Variants in LMO7 observed in about 807,000 individuals in gnomAD.
LMO7 encodes the protein LIM domain 7, also known as LIM domain only protein 7.
Under a neutral mutation model 206.5 loss-of-function variants are expected in LMO7, and 120 were observed. The observed-to-expected ratio is 0.58, with a 90% confidence interval of 0.50 to 0.68. The LOEUF (loss-of-function observed/expected upper bound fraction) is 0.68. Among genes scored for constraint, LMO7 ranks in the 30% least tolerant of loss-of-function variants. The pLI is 0.00. For missense variants in LMO7, 1,959 were observed against 1,957.9 expected (o/e 1.00, Z -0.01); for synonymous variants, 706 against 681.5 (o/e 1.04, Z -0.56).
At chr13:75,804,627 A>G in intron 8 of LMO7, 86 bp downstream of exon 8, 1 of 1,435,912 alleles carries the variant, frequency 7.0e-7, no homozygotes, top group African/African-American at 1.4e-5. Flanking sequence ...TGGCTCTTAA[A>G]TGTGTTTCAT....
intron 1 of LMO7, among the ~76,000 whole-genome samples, chr13:75,701,400 G>A (rs1194784369): frequency 6.6e-6 from 1 of 152,224 alleles, no homozygotes; most frequent in African/African-American, 2.4e-5. Flanking sequence ...TGATAGAGAT[G>A]TACCATTTCC....
At chr13:75,829,153 AAGG>A (rs1465337266) in intron 15 of LMO7, among the ~76,000 whole-genome samples, 1 of 152,200 alleles carries the variant, frequency 6.6e-6, no homozygotes, top group Admixed American at 6.5e-5. Context: ...GCTGGAGACT[AAGG>A]AACAAACAAC....
chr13:75,732,546 T>C (rs889833362), intron 3 of LMO7, among the ~76,000 whole-genome samples: 2 of 152,220 alleles, frequency 1.3e-5, no homozygotes, highest in Admixed American at 1.3e-4. Context: ...TTCAAAGTTT[T>C]CAACTTCTTT....
chr13:75,726,069 T>C (rs756428519), intron 2 of LMO7, among the ~76,000 whole-genome samples: 35 of 152,070 alleles, frequency 2.3e-4, no homozygotes, highest in African/African-American at 6.5e-4. Flanking sequence ...TTATTTGCTT[T>C]CTTTTTGGAG....
chr13:75,815,172 T>G (rs1444478212), intron 11 of LMO7, among the ~76,000 whole-genome samples: 2 of 152,156 alleles, frequency 1.3e-5, no homozygotes, highest in Non-Finnish European at 2.9e-5. Flanking sequence ...GATGTGATTA[T>G]TATAATAATT....
chr13:75,817,152 T>G lies in LMO7; in HGVS notation c.1947-9T>G, dbSNP rs1199867850. 6.2e-7 allele frequency: 1 copy of G among 1,600,438 alleles called. No individual in the cohort carries two copies. The highest frequency in any genetic ancestry group is 1.7e-5 in the Admixed American group (1 of 59,764). ...ACTTCCGTAGTAACCATGAGTCTTT[T>G]TGTTGTAGGAGTAAGTCCATGAGTG... On this transcript the variant is annotated splice_polypyrimidine_tract_variant and intron_variant, in intron 11 of 30. Transcript: ENST00000377534.
intron 1 of LMO7, chr13:75,621,973 G>A (rs2033356999): frequency 1.4e-6 from 1 of 702,596 alleles, no homozygotes; most frequent in East Asian, 3.1e-5. Context: ...TGGAAAAGAG[G>A]TCAGTAGGAA....
intron 20 of LMO7, chr13:75,838,432 A>G: frequency 1.4e-6 from 1 of 709,414 alleles, no homozygotes; most frequent in Non-Finnish European, 1.8e-6. Context: ...TAAACATTTT[A>G]CTTTTTTTTT....
chr13:75,673,128 G>A (rs1319145384), intron 1 of LMO7, among the ~76,000 whole-genome samples: 2 of 152,152 alleles, frequency 1.3e-5, no homozygotes, highest in African/African-American at 4.8e-5. Flanking sequence ...AATAATTTAA[G>A]TGTGAGGCAT....
At chr13:75,832,996 C>T in intron 15 of LMO7, 55 bp from the exon 16 acceptor site, 1 of 927,480 alleles carries the variant, frequency 1.1e-6, no homozygotes, top group Non-Finnish European at 1.8e-6. Flanking sequence ...GATAGACTTT[C>T]CTCCATGTGG....
Position 75,849,293 on chromosome 13 carries a change from G to T in LMO7, c.4364+1G>T, listed in dbSNP as rs1194508126. 1.2e-6 allele frequency: 2 copies of T among 1,610,516 alleles called. No homozygotes were observed. Among genetic ancestry groups the T allele is most frequent in the Admixed American group, 1.7e-5 (1 of 59,990 alleles). ...TTAGTCTTCCTGGGATCATGAGAAG[G>T]TGCGAGACATCTTAGGAATTGGTTT... On this transcript the variant is annotated splice_donor_variant, in intron 27 of 30. Transcript: ENST00000377534. LOFTEE classifies it high-confidence loss of function.
chr13:75,717,738 T>TG (rs1158703263), intron 2 of LMO7, among the ~76,000 whole-genome samples: 3 of 152,206 alleles, frequency 2.0e-5, no homozygotes, highest in Non-Finnish European at 4.4e-5. Context: ...CACCCACACA[T>TG]GGAGTGCCGG....
rs116722818 is a variant in LMO7, at chr13:75,844,050, A to G, written c.4097+1134A>G. ...TTTTAAAAGTTATGGATTTACTTACATATTTACAAAAACTTTATTTATATA... is the reference window on the plus strand; with the variant it reads ...TTTTAAAAGTTATGGATTTACTTACGTATTTACAAAAACTTTATTTATATA... On this transcript the variant is annotated intron_variant, in intron 25 of 30. Coordinates refer to ENST00000377534, the MANE Select transcript of LMO7 (RefSeq NM_001306080.2). Among the ~76,000 whole-genome samples, 819 of 152,320 alleles carry G rather than the reference A, an allele frequency of 5.4e-3. 5 individuals carry two copies. The highest frequency in any genetic ancestry group is 0.017 in the African/African-American group (711 of 41,564).
At chr13:75,835,192 T>C (rs1271754676) in intron 17 of LMO7, 41 bp from the exon 18 acceptor site, 1 of 1,609,512 alleles carries the variant, frequency 6.2e-7, no homozygotes. Context: ...TTATACGGCA[T>C]AAAACCCTCA....
chr13:75,662,493 A>AT (rs2038695170), intron 1 of LMO7, among the ~76,000 whole-genome samples: 1 of 151,906 alleles, frequency 6.6e-6, no homozygotes, highest in South Asian at 2.1e-4. Context: ...TAATTTTTGT[A>AT]TTTTTTGCAG....
chr13:75,755,355 C>T (rs117754451), intron 3 of LMO7, among the ~76,000 whole-genome samples: 2 of 152,142 alleles, frequency 1.3e-5, no homozygotes, highest in East Asian at 3.9e-4. Context: ...GTTTTCTCTC[C>T]CTTGTTTTCC....
chr13:75,809,792 A>ATTTTTAATTT, intron 11 of LMO7, among the ~76,000 whole-genome samples: 1 of 148,282 alleles, frequency 6.7e-6, no homozygotes, highest in Non-Finnish European at 1.5e-5. Context: ...CTGCAAAAAT[A>ATTTTTAATTT]TTTTTAATTT....
intron 1 of LMO7, among the ~76,000 whole-genome samples, chr13:75,655,864 A>T (rs1336575445): frequency 6.6e-6 from 1 of 151,876 alleles, no homozygotes; most frequent in Non-Finnish European, 1.5e-5. Flanking sequence ...TGGTTAATCT[A>T]TCCCTGTGTT....
chr13:75,790,658 C>G (rs554860948), intron 4 of LMO7, among the ~76,000 whole-genome samples: 4 of 152,250 alleles, frequency 2.6e-5, no homozygotes, highest in Non-Finnish European at 5.9e-5. Flanking sequence ...CTTCCTGGTT[C>G]TAAGTTAACA....
Sources: allele counts gnomAD v4.1 joint callset (sites outside exome capture counted in the v4.1 genomes callset), GRCh38; gene constraint gnomAD v4.1.1; transcripts MANE v1.5; gene names NCBI Gene and HGNC (gene_info 2026-07-23, HGNC 2026-07-21).